The following FAM222A variants were observed in gnomAD, a reference collection of about 807,000 sequenced individuals.
FAM222A encodes protein FAM222A.
Under a neutral mutation model 25.8 loss-of-function variants are expected in FAM222A, and 7 were observed. That is an observed-to-expected ratio of 0.27 (90% CI 0.15 to 0.51). The LOEUF is 0.51. Ranked by LOEUF, FAM222A falls within the 20% of genes least tolerant of loss-of-function variation. FAM222A has a pLI of 0.97. For synonymous variants in FAM222A, 294 were observed against 298.8 expected (o/e 0.98, Z 0.17); for missense variants, 573 against 640.5 (o/e 0.89, Z 1.14).
At chr12:109,731,502 T>C (rs1887946983) in intron 1 of FAM222A, among the ~76,000 whole-genome samples, 2 of 152,132 alleles carry the variant, frequency 1.3e-5, no homozygotes, top group South Asian at 4.1e-4. Context: ...GTATTCACAC[T>C]CAAGAGAAGG....
At chr12:109,738,155 C>G (rs962374611) in intron 1 of FAM222A, among the ~76,000 whole-genome samples, 1 of 152,130 alleles carries the variant, frequency 6.6e-6, no homozygotes, top group Non-Finnish European at 1.5e-5. Flanking sequence ...TTGGGGGAAG[C>G]TTGCACCTAG....
intron 1 of FAM222A, among the ~76,000 whole-genome samples, chr12:109,715,204 C>G (rs1887619911): frequency 1.3e-5 from 2 of 151,948 alleles, no homozygotes; most frequent in Admixed American, 1.3e-4. Flanking sequence ...CCGGGAACTC[C>G]AGTGTCTTGG....
intron 1 of FAM222A, among the ~76,000 whole-genome samples, chr12:109,716,440 T>G (rs57566483): frequency 0.016 from 2,406 of 152,338 alleles, 60 homozygotes; most frequent in African/African-American, 0.055. Flanking sequence ...TTTTCCCTGC[T>G]CTTCTACCAA....
intron 2 of FAM222A, among the ~76,000 whole-genome samples, chr12:109,745,486 G>A (rs998373917): frequency 2.6e-5 from 4 of 152,180 alleles, no homozygotes; most frequent in African/African-American, 9.7e-5. Flanking sequence ...CGGGTCAAAC[G>A]GATGTGTGTT....
chr12:109,718,400 C>G (rs996785890), intron 1 of FAM222A, among the ~76,000 whole-genome samples: 28 of 152,132 alleles, frequency 1.8e-4, no homozygotes, highest in African/African-American at 6.7e-4. Flanking sequence ...CCCTCCAGCC[C>G]CCTCTGCCTT....
At chr12:109,742,546 T>C (rs1246219479) in intron 1 of FAM222A, among the ~76,000 whole-genome samples, 5 of 151,938 alleles carry the variant, frequency 3.3e-5, no homozygotes, top group Non-Finnish European at 5.9e-5. Context: ...AGGCTGGCGA[T>C]TGGGGAGGGG....
chr12:109,763,821 G>A (rs1186056539), intron 2 of FAM222A, among the ~76,000 whole-genome samples: 1 of 152,206 alleles, frequency 6.6e-6, no homozygotes, highest in Non-Finnish European at 1.5e-5. Flanking sequence ...GGCAGATCAT[G>A]GAGGCCAGCT....
At chr12:109,746,485 T>G (rs1167862766) in intron 2 of FAM222A, among the ~76,000 whole-genome samples, 1 of 151,614 alleles carries the variant, frequency 6.6e-6, no homozygotes, top group Non-Finnish European at 1.5e-5. Context: ...TGAGACTTGG[T>G]CTCAAAAAAA....
chr12:109,769,257 A>G lies in FAM222A; in HGVS notation c.1328A>G (p.His443Arg). 9 of 1,611,452 alleles carry G rather than the reference A, an allele frequency of 5.6e-6. No homozygotes were observed. Among genetic ancestry groups the G allele is most frequent in the Non-Finnish European group, 7.6e-6 (9 of 1,179,474 alleles). The change falls in exon 3 of 3, where the codon CAT becomes CGT. Residue 443 changes from histidine to arginine, a missense_variant. Physicochemically the swap from His to Arg is conservative, Grantham distance 29. This residue lies in a region of FAM222A where 49 missense variants were observed against 78.9 expected (regional missense o/e 0.62). Coordinates refer to ENST00000538780, the MANE Select transcript of FAM222A (RefSeq NM_032829.3). The stretch of plus-strand genomic sequence containing the variant: ...GTGCCCCGGCTACTCGACCACCAGC[A>G]TGCCCACATCCGCCTACCCGTCTAC... The part of the protein sequence containing the change: ...VAVPRLLDHQ[H>R]AHIRLPVYR
At chr12:109,761,840 C>T (rs376878764) in intron 2 of FAM222A, among the ~76,000 whole-genome samples, 7 of 152,236 alleles carry the variant, frequency 4.6e-5, no homozygotes, top group East Asian at 3.9e-4. Flanking sequence ...TCTCTCCTCT[C>T]GGCTCAGAAC....
intron 2 of FAM222A, among the ~76,000 whole-genome samples, chr12:109,756,392 C>CTTTTT (rs35171962): frequency 3.2e-5 from 4 of 124,388 alleles, no homozygotes; most frequent in African/African-American, 8.7e-5. Flanking sequence ...AATATGAATG[C>CTTTTT]TTTTTTTTTT....
At chr12:109,719,212 C>T (rs1385387560) in intron 1 of FAM222A, among the ~76,000 whole-genome samples, 1 of 152,212 alleles carries the variant, frequency 6.6e-6, no homozygotes, top group Non-Finnish European at 1.5e-5. Context: ...GAGTTTACGT[C>T]ATAACCCTAA....
intron 2 of FAM222A, among the ~76,000 whole-genome samples, chr12:109,757,712 G>C (rs1293244761): frequency 6.9e-6 from 1 of 144,852 alleles, no homozygotes; most frequent in Non-Finnish European, 1.5e-5. Flanking sequence ...GAGAGCCACG[G>C]ATGTGGCTGC....
chr12:109,723,964 A>G (rs920584710), intron 1 of FAM222A, among the ~76,000 whole-genome samples: 2 of 151,546 alleles, frequency 1.3e-5, no homozygotes, highest in Admixed American at 1.3e-4. Context: ...TTTTCTCCCC[A>G]CCCCACAAAC....
rs543279606 is a variant in FAM222A at position 109,733,555 on chromosome 12, C to T, written c.-46-10546C>T. On this transcript the variant is annotated intron_variant, in intron 1 of 2. Coordinates refer to ENST00000538780, the MANE Select transcript of FAM222A (RefSeq NM_032829.3). ...AGTAGCTGGGACTACAGGCACACGC[C>T]ACCACGCCTGGCTAATTTTTTGTAT... Among the ~76,000 whole-genome samples the T allele has an allele frequency of 3.1e-4, 47 of 152,280 alleles. 2 individuals are homozygous for T. In the South Asian group the frequency reaches 9.5e-3, roughly 31 times the overall value.
At chr12:109,719,824 A>C (rs1219249913) in intron 1 of FAM222A, among the ~76,000 whole-genome samples, 1 of 152,032 alleles carries the variant, frequency 6.6e-6, no homozygotes, top group African/African-American at 2.4e-5. Context: ...GCCCTGAGGA[A>C]GAGGGAAGCC....
intron 2 of FAM222A, among the ~76,000 whole-genome samples, chr12:109,758,103 A>C (rs779230042): frequency 2.0e-5 from 3 of 152,206 alleles, no homozygotes; most frequent in Non-Finnish European, 4.4e-5. Context: ...GGGGTGTGGA[A>C]GGTGCGTGTG....
At chr12:109,743,856 A>G (rs1888312705) in intron 1 of FAM222A, 1 of 985,376 alleles carries the variant, frequency 1.0e-6, no homozygotes, top group Non-Finnish European at 1.2e-6. Context: ...GGGCCGGGGC[A>G]TGTGTGATCC....
chr12:109,736,454 G>C (rs569173383), intron 1 of FAM222A, among the ~76,000 whole-genome samples: 38 of 152,328 alleles, frequency 2.5e-4, no homozygotes, highest in African/African-American at 9.1e-4. Context: ...CACAGAGTTA[G>C]GGTGTAAAGC....
Sources: gnomAD v4.1 joint callset for allele counts (sites outside exome capture counted in the v4.1 genomes callset) on GRCh38, gnomAD v4.1.1 for gene constraint, gnomAD v4.1.1 regional missense constraint, MANE v1.5 for transcripts, NCBI Gene and HGNC (gene_info 2026-07-23, HGNC 2026-07-21) for gene names.